PSG2: variants seen among roughly 807,000 people sequenced by gnomAD.
PSG2 encodes the protein pregnancy specific beta-1-glycoprotein 2.
PSG2 carries 49 observed loss-of-function variants against 36.2 expected under a neutral mutation model. That is an observed-to-expected ratio of 1.35 (90% confidence interval 1.08 to 1.72). The LOEUF (loss-of-function observed/expected upper bound fraction) is 1.72. Among genes scored for constraint, PSG2 ranks in the 40% most tolerant of loss-of-function variants. PSG2 has a pLI of 0.00. For synonymous variants in PSG2, 261 were observed against 155.6 expected, an observed-to-expected ratio of 1.68 and a Z score of -5.04; for missense variants, 605 against 407.2, an observed-to-expected ratio of 1.49 and a Z score of -4.18.
chr19:43,077,199 C>T (rs184964413), intron 2 of PSG2, among the ~76,000 whole-genome samples: 2 of 151,602 alleles, frequency 1.3e-5, no homozygotes, highest in Admixed American at 6.6e-5. Context: ...TTAGGTGTGC[C>T]GTGAATTCCA....
At chr19:43,065,061 T>C (rs1057346741) in intron 5 of PSG2, among the ~76,000 whole-genome samples, 1 of 151,762 alleles carries the variant, frequency 6.6e-6, no homozygotes, top group Non-Finnish European at 1.5e-5. Flanking sequence ...GGTCTCGATC[T>C]CCTGACCTCG....
intron 2 of PSG2, among the ~76,000 whole-genome samples, chr19:43,076,844 A>G (rs562761131): frequency 6.6e-6 from 1 of 151,644 alleles, no homozygotes; most frequent in Admixed American, 6.6e-5. Flanking sequence ...ATTTTGGAAT[A>G]TTTGCCGTAT....
intron 3 of PSG2, 107 bp downstream of exon 3, chr19:43,075,247 G>T: frequency 1.9e-6 from 3 of 1,605,720 alleles, no homozygotes; most frequent in South Asian, 1.1e-5. Flanking sequence ...TGATGCCTAG[G>T]GGTAAAGGTC....
rs1246374106 is a variant in PSG2, at chr19:43,064,329, T to C, written c.*313A>G. 3.7e-6 allele frequency: 1 copy of C among 272,770 alleles called. No homozygotes were observed. The highest frequency in any genetic ancestry group is 7.2e-6 in the Non-Finnish European group (1 of 138,294). The allele number at this position is 272,770 out of a possible 1,614,324, so 16.9% of individuals were successfully genotyped here. On this transcript the variant is annotated 3_prime_UTR_variant, in exon 6 of 6. Coordinates refer to ENST00000406487, the MANE Select transcript of PSG2 (RefSeq NM_031246.4). ...GTTTCAATTTTTGTTTACAAAAGTA[T>C]ACTTTACCAATTGCTCAAGAAAAAA... is the stretch of plus-strand genomic sequence containing the variant.
At chr19:43,076,825 A>AT (rs1967903278) in intron 2 of PSG2, among the ~76,000 whole-genome samples, 1 of 132,852 alleles carries the variant, frequency 7.5e-6, no homozygotes, top group Non-Finnish European at 1.5e-5. Flanking sequence ...TTGGATTTCT[A>AT]ATTTTTTTAT....
intron 3 of PSG2, among the ~76,000 whole-genome samples, chr19:43,073,001 C>A (rs1346501828): frequency 6.6e-6 from 1 of 151,674 alleles, no homozygotes; most frequent in East Asian, 1.9e-4. Context: ...CTTCCAAATT[C>A]CATCCTACTT....
At chr19:43,072,048 G>A in intron 3 of PSG2, 94 bp from the exon 4 acceptor site, 3 of 1,508,036 alleles carry the variant, frequency 2.0e-6, no homozygotes, top group Non-Finnish European at 2.7e-6. Flanking sequence ...TCTGAGACAA[G>A]ACACATCCTC....
chr19:43,080,155 C>T (rs1967951284), intron 2 of PSG2, among the ~76,000 whole-genome samples: 2 of 151,766 alleles, frequency 1.3e-5, no homozygotes, highest in Admixed American at 6.6e-5. Context: ...AAGCTGCTAC[C>T]AGGTACATCT....
chr19:43,077,052 T>G (rs1967907111), intron 2 of PSG2, among the ~76,000 whole-genome samples: 1 of 151,710 alleles, frequency 6.6e-6, no homozygotes, highest in African/African-American at 2.4e-5. Context: ...AGACCTCATG[T>G]TATGTTCTGA....
At chr19:43,078,984 G>A (rs1182558051) in intron 2 of PSG2, among the ~76,000 whole-genome samples, 3 of 151,596 alleles carry the variant, frequency 2.0e-5, no homozygotes, top group African/African-American at 7.3e-5. Context: ...AGCCTGGCAG[G>A]AGTGGCAACT....
intron 2 of PSG2, among the ~76,000 whole-genome samples, chr19:43,079,175 A>G (rs1967936895): frequency 6.6e-6 from 1 of 151,540 alleles, no homozygotes; most frequent in Non-Finnish European, 1.5e-5. Flanking sequence ...AAGATGAGGG[A>G]CACAGAGAAG....
rs1051401384 is a variant in PSG2, at chr19:43,076,042, G to T, written c.431-410C>A. Among the ~76,000 whole-genome samples, 94 of 151,646 alleles carry T rather than the reference G, an allele frequency of 6.2e-4. 4 individuals carry two copies. Among genetic ancestry groups the T allele is most frequent in the African/African-American group, 2.3e-3 (93 of 41,044 alleles). ...CCCCCTGAGGTATGTTTTCTCTGCA[G>T]CTTCCCTTGCCAAGGACATCCAAGA... On this transcript the variant is annotated intron_variant, in intron 2 of 5. Coordinates refer to ENST00000406487, the MANE Select transcript of PSG2 (RefSeq NM_031246.4).
At chr19:43,072,763 T>C (rs568121393) in intron 3 of PSG2, 2 of 1,484,168 alleles carry the variant, frequency 1.3e-6, no homozygotes, top group East Asian at 2.3e-5. Flanking sequence ...GGTGTGTGTG[T>C]CACAAGACAG....
chr19:43,076,017 C>T (rs546457524), intron 2 of PSG2, among the ~76,000 whole-genome samples: 22 of 151,662 alleles, frequency 1.5e-4, no homozygotes, highest in African/African-American at 4.9e-4. Flanking sequence ...TCTTACTTTG[C>T]CCCCTGAGGT....
chr19:43,078,004 C>T (rs544653190), intron 2 of PSG2, among the ~76,000 whole-genome samples: 7 of 151,694 alleles, frequency 4.6e-5, no homozygotes, highest in South Asian at 4.1e-4. Flanking sequence ...GATGGAGTCA[C>T]GAGTGAAATG....
chr19:43,066,248 AG>A (rs1176969073), intron 5 of PSG2, among the ~76,000 whole-genome samples: 1 of 151,642 alleles, frequency 6.6e-6, no homozygotes, highest in East Asian at 1.9e-4. Context: ...AATAATGAAG[AG>A]GGTTTCACCA....
At chr19:43,077,942 C>G (rs1374770070) in intron 2 of PSG2, among the ~76,000 whole-genome samples, 4 of 151,554 alleles carry the variant, frequency 2.6e-5, no homozygotes, top group Non-Finnish European at 5.9e-5. Flanking sequence ...TGACCGGAAG[C>G]CAGAAGTCTC....
At chr19:43,069,607 G>C (rs1359346765) in intron 4 of PSG2, among the ~76,000 whole-genome samples, 4 of 151,620 alleles carry the variant, frequency 2.6e-5, no homozygotes, top group South Asian at 2.1e-4. Flanking sequence ...CAATGGGGAA[G>C]GGACAGTGTT....
chr19:43,066,935 T>G (rs565308317), intron 4 of PSG2, among the ~76,000 whole-genome samples: 1 of 151,574 alleles, frequency 6.6e-6, no homozygotes, highest in South Asian at 2.1e-4. Context: ...TTCTCGGTGT[T>G]TCTGTTGTGG....
Sources: gnomAD v4.1 joint callset for allele counts (sites outside exome capture counted in the v4.1 genomes callset) on GRCh38, gnomAD v4.1.1 for gene constraint, MANE v1.5 for transcripts, NCBI Gene and HGNC (gene_info 2026-07-23, HGNC 2026-07-21) for gene names.